GOLT1A: variants seen among roughly 807,000 people sequenced by gnomAD.
GOLT1A encodes golgi transport 1A, also known as vesicle transport protein GOT1A.
Under a neutral mutation model 16.1 loss-of-function variants are expected in GOLT1A, and 10 were observed. That is an observed-to-expected ratio of 0.62 (90% CI 0.38 to 1.05). The LOEUF is 1.05. GOLT1A is among the 50% of genes least tolerant of loss of function. The pLI, the probability that GOLT1A is intolerant of heterozygous loss-of-function variation, is 0.01. For synonymous variants in GOLT1A, 60 were observed against 67.9 expected, an observed-to-expected ratio of 0.88 and a Z score of 0.57; for missense variants, 137 against 165.7, an observed-to-expected ratio of 0.83 and a Z score of 0.95.
intron 1 of GOLT1A, among the ~76,000 whole-genome samples, chr1:204,206,539 T>C (rs1220029048): frequency 6.6e-6 from 1 of 152,262 alleles, no homozygotes; most frequent in African/African-American, 2.4e-5. Context: ...ACAGTCATCT[T>C]TCTTTAACCC....
chr1:204,213,942 C>A lies in GOLT1A; in HGVS notation c.-36G>T. 1 of 1,609,932 alleles carries A rather than the reference C, an allele frequency of 6.2e-7. No individual in the cohort carries two copies. The highest frequency in any genetic ancestry group is 8.5e-7 in the Non-Finnish European group (1 of 1,178,390). On this transcript the variant is annotated 5_prime_UTR_variant, in exon 1 of 5. Transcript: ENST00000308302. ...GCCTGGGGGGCTTTCCGGGTGGAAG[C>A]GGGCAAGTGGAGCGTGGCCCAGAGG...
chr1:204,205,943 G>A (rs1247336186), intron 1 of GOLT1A, among the ~76,000 whole-genome samples: 1 of 152,104 alleles, frequency 6.6e-6, no homozygotes, highest in Non-Finnish European at 1.5e-5. Context: ...GGTGGCATGC[G>A]TCTCTAGTCC....
At chr1:204,206,160 G>A (rs543718159) in intron 1 of GOLT1A, among the ~76,000 whole-genome samples, 76 of 152,192 alleles carry the variant, frequency 5.0e-4, no homozygotes, top group Non-Finnish European at 8.5e-4. Flanking sequence ...CTGGTATCAT[G>A]CCAGTCTTAC....
In GOLT1A at chr1:204,203,006, T is replaced by G; in HGVS notation, c.26-19A>C. The G allele has an allele frequency of 3.7e-6, 6 of 1,607,602 alleles. No individual in the cohort carries two copies. Among genetic ancestry groups the G allele is most frequent in the Non-Finnish European group, 5.1e-6 (6 of 1,174,758 alleles). The stretch of plus-strand genomic sequence containing the variant: ...CCAATCTCTGCAATGGGCAAGGAGG[T>G]GGTGGAGGAAAGGGCTTTGGGGAGC... On this transcript the variant is annotated intron_variant, in intron 1 of 4. Coordinates refer to ENST00000308302, the MANE Select transcript of GOLT1A (RefSeq NM_198447.2).
At chr1:204,211,361 T>A (rs985118306) in intron 1 of GOLT1A, among the ~76,000 whole-genome samples, 1 of 152,164 alleles carries the variant, frequency 6.6e-6, no homozygotes, top group Non-Finnish European at 1.5e-5. Context: ...ACTGTCCCTA[T>A]TGCCTGCCAT....
intron 1 of GOLT1A, among the ~76,000 whole-genome samples, chr1:204,206,881 T>G (rs114392015): frequency 0.028 from 4,247 of 151,892 alleles, 134 homozygotes; most frequent in African/African-American, 0.076. Context: ...CTGGCTGCCA[T>G]AGTTATCCCT....
intron 3 of GOLT1A, among the ~76,000 whole-genome samples, chr1:204,200,817 G>A (rs1658945083): frequency 6.6e-6 from 1 of 152,098 alleles, no homozygotes; most frequent in African/African-American, 2.4e-5. Context: ...TTCCATGATT[G>A]CAGAAGCCAT....
At chr1:204,198,521 C>A in intron 4 of GOLT1A, 25 bp from the exon 5 acceptor site, 1 of 1,609,828 alleles carries the variant, frequency 6.2e-7, no homozygotes, top group Non-Finnish European at 8.5e-7. Context: ...AATCATTACT[C>A]CACACAAAGG....
intron 4 of GOLT1A, 163 bp downstream of exon 4, chr1:204,199,032 G>T (rs1036826091): frequency 3.2e-6 from 2 of 620,952 alleles, no homozygotes; most frequent in Admixed American, 2.8e-5. Context: ...GAGAAGGTGC[G>T]GGGGGAAGAG....
intron 3 of GOLT1A, among the ~76,000 whole-genome samples, chr1:204,200,686 A>G (rs1336120824): frequency 6.6e-6 from 1 of 152,118 alleles, no homozygotes; most frequent in Non-Finnish European, 1.5e-5. Context: ...GAGAAACTTT[A>G]AAGCCACACT....
Position 204,213,878 on chromosome 1 carries a change from T to A in GOLT1A, c.25+4A>T, listed in dbSNP as rs544276809. On this transcript the variant is annotated splice_donor_region_variant and intron_variant, in intron 1 of 4. Transcript: ENST00000308302. ...CCCATTGCAGCCCCGCTCATCCCACTTACTCTGCCATTCGGTGATGGAGAT... is the reference window on the plus strand; with the variant it reads ...CCCATTGCAGCCCCGCTCATCCCACATACTCTGCCATTCGGTGATGGAGAT... 72 of 1,613,096 alleles carry A rather than the reference T, an allele frequency of 4.5e-5. No individual in the cohort carries two copies. Among genetic ancestry groups the A allele is most frequent in the Non-Finnish European group, 5.8e-5 (69 of 1,179,824 alleles).
At chr1:204,213,830 G>A (rs1211144963) in intron 1 of GOLT1A, 52 bp downstream of exon 1, 2 of 1,598,378 alleles carry the variant, frequency 1.3e-6, no homozygotes. Flanking sequence ...AGAGCCAGCC[G>A]GCAGGGAGCC....
At chr1:204,201,488 C>A in intron 3 of GOLT1A, 145 bp downstream of exon 3, 2 of 746,222 alleles carry the variant, frequency 2.7e-6, no homozygotes, top group Non-Finnish European at 4.4e-6. Context: ...TACCCTTCAG[C>A]CTACTTTAGG....
chr1:204,213,725 C>T (rs1659173559), intron 1 of GOLT1A, among the ~76,000 whole-genome samples, 157 bp downstream of exon 1: 2 of 152,216 alleles, frequency 1.3e-5, no homozygotes, highest in Non-Finnish European at 2.9e-5. Flanking sequence ...AGCCACACCC[C>T]ACCCTGCCTG....
At position 204,198,438 on chromosome 1, in the gene GOLT1A, A is replaced by G; in HGVS notation, c.*20T>C. The G allele has an allele frequency of 6.2e-7, 1 of 1,612,600 alleles. No individual in the cohort carries two copies. On this transcript the variant is annotated 3_prime_UTR_variant, in exon 5 of 5. Coordinates refer to ENST00000308302, the MANE Select transcript of GOLT1A (RefSeq NM_198447.2). ...CCCCCTCAACCAATGATCCAAGTTC[A>G]AGGAGCTCATCTCTGTTTTTCAGAC... is the stretch of plus-strand genomic sequence containing the variant.
At chr1:204,211,936 T>C (rs878936910) in intron 1 of GOLT1A, among the ~76,000 whole-genome samples, 1 of 152,090 alleles carries the variant, frequency 6.6e-6, no homozygotes, top group Admixed American at 6.5e-5. Context: ...AAAATGTCAA[T>C]AGTGGGGAGG....
At chr1:204,212,087 T>G (rs1659145717) in intron 1 of GOLT1A, among the ~76,000 whole-genome samples, 1 of 152,152 alleles carries the variant, frequency 6.6e-6, no homozygotes, top group African/African-American at 2.4e-5. Flanking sequence ...ACCACCTACC[T>G]GACATCTCAC....
At chr1:204,211,180 G>A (rs895459562) in intron 1 of GOLT1A, among the ~76,000 whole-genome samples, 1 of 151,898 alleles carries the variant, frequency 6.6e-6, no homozygotes, top group African/African-American at 2.4e-5. Context: ...TTCTCCACAC[G>A]GCGCTCAAAG....
In GOLT1A at chr1:204,201,745, G is replaced by C; in HGVS notation, c.184C>G (p.Arg62Gly). 1 of 1,614,142 alleles carries C rather than the reference G, an allele frequency of 6.2e-7. No individual in the cohort carries two copies. The highest frequency in any genetic ancestry group is 8.5e-7 in the Non-Finnish European group (1 of 1,180,026). The change falls in exon 3 of 5, where the codon CGG becomes GGG. Residue 62 changes from arginine to glycine, a missense_variant. Transcript: ENST00000308302. ...AAGCTGGTTCCCTTGAGTTTGTGCC[G>C]TTGGAAGAAGAACCAAAAGGTCTTC... ...LRKTFWFFFQ[R>G]HKLKGTSFLL...
Sources: allele counts gnomAD v4.1 joint callset (sites outside exome capture counted in the v4.1 genomes callset), GRCh38; gene constraint gnomAD v4.1.1; transcripts MANE v1.5; gene names NCBI Gene and HGNC (gene_info 2026-07-23, HGNC 2026-07-21).